The following CIMIP6 variants were observed in gnomAD, a reference collection of about 807,000 sequenced individuals.
The protein encoded by CIMIP6 is ciliary microtubule inner protein 6.
At chr2:54,340,014 G>A in the CIMIP6 span, 8 of 116,134 alleles carry the variant, frequency 6.9e-5, no homozygotes, top group East Asian at 6.3e-4. Flanking sequence ...GTGACTAAGG[G>A]ACCCACAGTG....
At chr2:54,347,817 G>T in the CIMIP6 span, among the ~76,000 whole-genome samples, 1 of 152,124 alleles carries the variant, frequency 6.6e-6, no homozygotes, top group African/African-American at 2.4e-5. Context: ...GATGCCTCCC[G>T]ATTCCCAGGC....
At chr2:54,363,181 C>G in the CIMIP6 span, among the ~76,000 whole-genome samples, 2 of 152,128 alleles carry the variant, frequency 1.3e-5, no homozygotes, top group East Asian at 1.9e-4. Flanking sequence ...CCAAATGCTT[C>G]ACGTCTCTTA....
chr2:54,381,986 G>A, the CIMIP6 span: 1 of 1,543,820 alleles, frequency 6.5e-7, no homozygotes, highest in Non-Finnish European at 8.7e-7. Flanking sequence ...TACATTCACA[G>A]TAAGTATTAG....
the CIMIP6 span, chr2:54,331,081 G>A: frequency 2.8e-6 from 4 of 1,423,672 alleles, no homozygotes; most frequent in African/African-American, 4.2e-5. Flanking sequence ...GATCCAGCAT[G>A]GACAGTCCAG....
the CIMIP6 span, among the ~76,000 whole-genome samples, chr2:54,343,420 A>T: frequency 6.6e-6 from 1 of 152,014 alleles, no homozygotes; most frequent in Non-Finnish European, 1.5e-5. Flanking sequence ...TAATAAAATC[A>T]TAGTATAAAA....
At chr2:54,355,568 C>T in the CIMIP6 span, among the ~76,000 whole-genome samples, 12 of 152,024 alleles carry the variant, frequency 7.9e-5, no homozygotes, top group Non-Finnish European at 1.3e-4. Context: ...TCCTTCCCTT[C>T]CCTCTATTTC....
the CIMIP6 span, among the ~76,000 whole-genome samples, chr2:54,357,883 C>A: frequency 6.6e-6 from 1 of 152,060 alleles, no homozygotes; most frequent in South Asian, 2.1e-4. Flanking sequence ...CTGCGCCCAG[C>A]CACATACATA....
chr2:54,360,169 T>G, the CIMIP6 span: 1 of 1,502,710 alleles, frequency 6.7e-7, no homozygotes, highest in Non-Finnish European at 8.9e-7. Flanking sequence ...ATCTGCGTTC[T>G]CCTGGTTAAT....
the CIMIP6 span, among the ~76,000 whole-genome samples, chr2:54,336,285 A>G: frequency 6.6e-6 from 1 of 152,146 alleles, no homozygotes; most frequent in Non-Finnish European, 1.5e-5. Context: ...CTACTCCAAC[A>G]GCTACTGATC....
chr2:54,342,939 T>C, the CIMIP6 span, among the ~76,000 whole-genome samples: 1 of 152,196 alleles, frequency 6.6e-6, no homozygotes, highest in Admixed American at 6.6e-5. Flanking sequence ...TGAGTAACAG[T>C]TCCCCTCTCT....
the CIMIP6 span, among the ~76,000 whole-genome samples, chr2:54,358,335 G>A: frequency 6.6e-6 from 1 of 152,100 alleles, no homozygotes; most frequent in Non-Finnish European, 1.5e-5. Context: ...GTCGTGAAAA[G>A]TTAACAAATT....
chr2:54,371,809 G>A, the CIMIP6 span, among the ~76,000 whole-genome samples: 56 of 152,350 alleles, frequency 3.7e-4, no homozygotes, highest in African/African-American at 1.2e-3. Flanking sequence ...GAGCAGCTGC[G>A]CAGCTGTGGG....
chr2:54,383,009 C>G, the CIMIP6 span: 1 of 152,322 alleles, frequency 6.6e-6, no homozygotes, highest in African/African-American at 2.4e-5. Flanking sequence ...CTCTCTCTCC[C>G]CTCCCTCTGC....
the CIMIP6 span, among the ~76,000 whole-genome samples, chr2:54,347,210 A>G: frequency 6.6e-6 from 1 of 152,232 alleles, no homozygotes; most frequent in Non-Finnish European, 1.5e-5. Flanking sequence ...AATGCTACTT[A>G]GGTATAGGCA....
the CIMIP6 span, among the ~76,000 whole-genome samples, chr2:54,337,797 A>G: frequency 9.6e-3 from 1,458 of 152,276 alleles, 28 homozygotes; most frequent in African/African-American, 0.033. Flanking sequence ...TTGAGATGAA[A>G]TAAGAGCTCA....
the CIMIP6 span, among the ~76,000 whole-genome samples, chr2:54,383,924 C>G: frequency 3.9e-5 from 6 of 152,320 alleles, no homozygotes; most frequent in Non-Finnish European, 7.3e-5. Flanking sequence ...GTTGCACACT[C>G]TCTTGGCTGT....
At chr2:54,377,958 T>A in the CIMIP6 span, among the ~76,000 whole-genome samples, 3 of 152,234 alleles carry the variant, frequency 2.0e-5, no homozygotes, top group African/African-American at 7.2e-5. Context: ...TTGACATACG[T>A]GAAACACCCA....
the CIMIP6 span, among the ~76,000 whole-genome samples, chr2:54,358,401 AT>A: frequency 1.2e-3 from 172 of 148,300 alleles, no homozygotes; most frequent in Middle Eastern, 3.5e-3. Flanking sequence ...ATATCTAACA[AT>A]TTTTTTTTTT....
chr2:54,334,958 C>G, the CIMIP6 span: 1 of 1,603,754 alleles, frequency 6.2e-7, no homozygotes, highest in Non-Finnish European at 8.5e-7. Flanking sequence ...AATTCATTAA[C>G]ACAAATGCAA....
Sources: allele counts gnomAD v4.1 joint callset (sites outside exome capture counted in the v4.1 genomes callset), GRCh38; gene constraint gnomAD v4.1.1; transcripts MANE v1.5; gene names NCBI Gene and HGNC (gene_info 2026-07-23, HGNC 2026-07-21).